Variants in GAL3ST1 observed in about 807,000 individuals in gnomAD.
GAL3ST1 encodes the protein galactose-3-O-sulfotransferase 1.
GAL3ST1 carries 13 observed loss-of-function variants against 25.0 expected under a neutral mutation model. The ratio of observed to expected loss-of-function variants is 0.52; its 90% CI spans 0.34 to 0.83. The LOEUF is 0.83. GAL3ST1 is among the 40% of genes least tolerant of loss of function. The pLI is 0.02. For missense variants in GAL3ST1, 474 were observed against 613.6 expected, an observed-to-expected ratio of 0.77 and a Z score of 2.40; for synonymous variants, 274 against 277.8, an observed-to-expected ratio of 0.99 and a Z score of 0.14.
chr22:30,568,386 C>T (rs2086686410), intron 1 of GAL3ST1, among the ~76,000 whole-genome samples: 1 of 152,156 alleles, frequency 6.6e-6, no homozygotes, highest in African/African-American at 2.4e-5. Flanking sequence ...AACAGAATGC[C>T]AGCTGATGAG....
At chr22:30,561,889 T>A (rs1453401828) in intron 1 of GAL3ST1, among the ~76,000 whole-genome samples, 1 of 152,126 alleles carries the variant, frequency 6.6e-6, no homozygotes, top group Admixed American at 6.5e-5. Flanking sequence ...TCACCCTCCC[T>A]AAGCCTCAGT....
chr22:30,559,388 A>T (rs955928861), intron 1 of GAL3ST1, among the ~76,000 whole-genome samples: 2 of 151,454 alleles, frequency 1.3e-5, no homozygotes, highest in Non-Finnish European at 2.9e-5. Context: ...TTACAGGCAC[A>T]CGCCACCACA....
Position 30,554,868 on chromosome 22 carries a change from G to C in GAL3ST1, c.*85C>G. ...GGGTCTGAGGTGGCACCAGGAGGGG[G>C]CTGGGGGCGGCCAGCACCAGCGGCG... On this transcript the variant is annotated 3_prime_UTR_variant, in exon 4 of 4. Coordinates refer to ENST00000406361, the MANE Select transcript of GAL3ST1 (RefSeq NM_001318104.2). The C allele has an allele frequency of 1.8e-6, 2 of 1,126,754 alleles. No homozygotes were observed. Among genetic ancestry groups the C allele is most frequent in the South Asian group, 1.7e-5 (1 of 60,052 alleles). 69.8% of individuals were successfully genotyped at this position (1,126,754 alleles called of 1,614,324 possible).
chr22:30,568,011 C>T (rs1236620231), intron 1 of GAL3ST1, among the ~76,000 whole-genome samples: 1 of 152,184 alleles, frequency 6.6e-6, no homozygotes, highest in Non-Finnish European at 1.5e-5. Context: ...ATCCATCCCA[C>T]AGGTATTTAC....
intron 2 of GAL3ST1, chr22:30,557,615 CAA>C (rs1016336933): frequency 4.2e-6 from 2 of 481,320 alleles, no homozygotes; most frequent in Non-Finnish European, 7.3e-6. Flanking sequence ...TGAAGCAACT[CAA>C]AGAGAGGTTG....
At chr22:30,559,829 G>A (rs1454362451) in intron 1 of GAL3ST1, among the ~76,000 whole-genome samples, 4 of 152,202 alleles carry the variant, frequency 2.6e-5, no homozygotes, top group Non-Finnish European at 5.9e-5. Flanking sequence ...CCTCCCCTTA[G>A]CTGCAAAACC....
chr22:30,556,123 TC>T (rs1476190156), intron 3 of GAL3ST1, 30 bp from the exon 4 acceptor site: 1 of 1,563,806 alleles, frequency 6.4e-7, no homozygotes, highest in Admixed American at 1.7e-5. Flanking sequence ...GGGGAGAGCC[TC>T]AGGGGGGTGC....
In GAL3ST1 at chr22:30,557,457, C is replaced by A; in HGVS notation, c.-9-56G>T. On this transcript the variant is annotated intron_variant, in intron 2 of 3. Coordinates refer to ENST00000406361, the MANE Select transcript of GAL3ST1 (RefSeq NM_001318104.2). ...TCAGGAAGCTGGCCCCAGGGAGCCC[C>A]CAAGGCTGCCCAGGCCTGGCAGTTG... The A allele has an allele frequency of 1.9e-6, 3 of 1,598,228 alleles. No homozygotes were observed. The South Asian group carries it at 3.4e-5, about 18-fold the overall frequency.
rs560164540 is a variant in GAL3ST1, at chr22:30,555,378, C to A, written c.847G>T (p.Asp283Tyr). The A allele has an allele frequency of 3.1e-6, 5 of 1,608,176 alleles. No homozygotes were observed. Among genetic ancestry groups the A allele is most frequent in the Non-Finnish European group, 3.4e-6 (4 of 1,179,814 alleles). ...VLYFKLNARR[D>Y]SPVPRLSGEL... Reference sequence around the variant, plus strand: ...CCCGAGAGCCGCGGCACGGGCGAGTCGCGGCGGGCGTTGAGCTTGAAGTAG... The same window carrying A: ...CCCGAGAGCCGCGGCACGGGCGAGTAGCGGCGGGCGTTGAGCTTGAAGTAG... The change falls in exon 4 of 4, where the codon GAC becomes TAC. Residue 283 changes from aspartate (D) to tyrosine (Y), a missense_variant. By Grantham distance (160) the Asp-to-Tyr change is radical. Transcript: ENST00000406361. The surrounding 1 kb of genome is among the most constrained non-coding windows in gnomAD (Gnocchi z 8.6).
In GAL3ST1 at chr22:30,574,447, G is replaced by A; in HGVS notation, c.-120+19C>T. 6.6e-6 allele frequency: 1 copy of A among 151,990 alleles called. No individual in the cohort carries two copies. Among genetic ancestry groups the A allele is most frequent in the Non-Finnish European group, 1.5e-5 (1 of 67,944 alleles). 9.4% of individuals were successfully genotyped at this position (151,990 alleles called of 1,614,324 possible). The stretch of plus-strand genomic sequence containing the variant: ...GGCAGGGCTCAAGCTGGCAGTGGGT[G>A]CTGGAGCCCGGGACGTACCTTGTCC... On this transcript the variant is annotated intron_variant, in intron 1 of 3. Transcript: ENST00000406361.
chr22:30,562,704 G>A (rs1331829174), intron 1 of GAL3ST1, among the ~76,000 whole-genome samples: 1 of 152,206 alleles, frequency 6.6e-6, no homozygotes, highest in Non-Finnish European at 1.5e-5. Flanking sequence ...GGTGTCCAGG[G>A]CTATAGAGCC....
intron 1 of GAL3ST1, among the ~76,000 whole-genome samples, chr22:30,572,273 TAAC>T (rs1185641254): frequency 2.0e-5 from 3 of 152,196 alleles, no homozygotes; most frequent in Non-Finnish European, 4.4e-5. Context: ...TAAAACTATG[TAAC>T]AATATAAAGG....
intron 1 of GAL3ST1, chr22:30,560,513 G>A (rs1349163031): frequency 1.3e-5 from 2 of 152,212 alleles, no homozygotes; most frequent in Non-Finnish European, 2.9e-5. Flanking sequence ...AAAGGAGTAG[G>A]GGCTGGGCCG....
chr22:30,569,312 TG>T, intron 1 of GAL3ST1, among the ~76,000 whole-genome samples: 1 of 152,210 alleles, frequency 6.6e-6, no homozygotes, highest in East Asian at 1.9e-4. Context: ...AGGTGTGACC[TG>T]GAACAAGAAG....
In GAL3ST1 at chr22:30,555,715, G is replaced by A. The variant is rs769714165; in HGVS notation, c.510C>T (p.Phe170=). Residue 170 remains phenylalanine, a synonymous_variant, in exon 4 of 4, where the codon TTC becomes TTT. Coordinates refer to ENST00000406361, the MANE Select transcript of GAL3ST1 (RefSeq NM_001318104.2). The surrounding 1 kb of genome is among the most constrained non-coding windows in gnomAD (Gnocchi z 8.6). The stretch of plus-strand genomic sequence containing the variant: ...GCCCGAAGTAGTGGAAGGAGGACTC[G>A]AACAAGCGGGCGGGGTCGCGGAGCA... The part of the protein sequence containing the change: ...ITVLRDPARL[F]ESSFHYFGPV... 17 of 1,613,950 alleles carry A rather than the reference G, an allele frequency of 1.1e-5. No individual in the cohort carries two copies. Among genetic ancestry groups the A allele is most frequent in the Non-Finnish European group, 1.4e-5 (17 of 1,180,036 alleles).
Position 30,574,611 on chromosome 22 carries a change from CG to C in GAL3ST1, c.-266del, listed in dbSNP as rs1044708983. 3 of 145,492 alleles carry C rather than the reference CG, an allele frequency of 2.1e-5. No individual in the cohort carries two copies. Among genetic ancestry groups the C allele is most frequent in the African/African-American group, 7.5e-5 (3 of 40,136 alleles). 9.0% of individuals were successfully genotyped at this position (145,492 alleles called of 1,614,324 possible). ...GCCCCCGCCCCCGCCGCCGCTGCCGCGCCGCGCCCGCTCCCGCGCCGCGCCC... is the reference window on the plus strand; with the variant it reads ...GCCCCCGCCCCCGCCGCCGCTGCCGCCCGCGCCCGCTCCCGCGCCGCGCCC... On this transcript the variant is annotated 5_prime_UTR_variant, in exon 1 of 4. Coordinates refer to ENST00000406361, the MANE Select transcript of GAL3ST1 (RefSeq NM_001318104.2).
chr22:30,563,460 A>G (rs1488232795), intron 1 of GAL3ST1, among the ~76,000 whole-genome samples: 1 of 152,038 alleles, frequency 6.6e-6, no homozygotes, highest in Non-Finnish European at 1.5e-5. Flanking sequence ...TACAAAAAAT[A>G]CAAAAATTAG....
At chr22:30,567,774 C>G (rs1450170673) in intron 1 of GAL3ST1, among the ~76,000 whole-genome samples, 1 of 152,136 alleles carries the variant, frequency 6.6e-6, no homozygotes, top group Non-Finnish European at 1.5e-5. Context: ...ACCTCTGCCC[C>G]CTGGGTTCAA....
intron 2 of GAL3ST1, 48 bp from the exon 3 acceptor site, chr22:30,557,449 G>A (rs2086114552): frequency 6.2e-7 from 1 of 1,608,142 alleles, no homozygotes; most frequent in Admixed American, 1.7e-5. Flanking sequence ...GCTGGCCCCA[G>A]GGAGCCCCCA....
Sources: allele counts gnomAD v4.1 joint callset (sites outside exome capture counted in the v4.1 genomes callset), GRCh38; gene constraint gnomAD v4.1.1; non-coding constraint Gnocchi (gnomAD v3.1); transcripts MANE v1.5; gene names NCBI Gene and HGNC (gene_info 2026-07-23, HGNC 2026-07-21).